Variants in CHST8 observed in about 807,000 individuals in gnomAD.
CHST8 encodes the protein GALNAC-4-ST1.
CHST8 carries 10 observed loss-of-function variants against 15.0 expected under a neutral mutation model. The ratio of observed to expected loss-of-function variants is 0.67; its 90% CI spans 0.41 to 1.13. CHST8 has a LOEUF of 1.13. Among genes scored for constraint, CHST8 ranks in the 50% most tolerant of loss-of-function variants. The probability of loss-of-function intolerance (pLI) is 0.00; values close to 1 mark genes in which losing one functional copy is unlikely to be tolerated. For synonymous variants in CHST8, 259 were observed against 256.6 expected (o/e 1.01, Z -0.09); for missense variants, 634 against 608.2 (o/e 1.04, Z -0.45).
At chr19:33,624,019 C>G (rs111334956) in intron 1 of CHST8, among the ~76,000 whole-genome samples, 5,746 of 152,290 alleles carry the variant, frequency 0.038, 226 homozygotes, top group Non-Finnish European at 0.05. Flanking sequence ...ACCTCAAAGC[C>G]GGAACCTGAC....
rs542354879 is a variant in CHST8 at position 33,648,483 on chromosome 19, A to C, written c.-163-19284A>C. ...ACATTTCATGTCAATTGAATCCTAC[A>C]ATGCGTGGTCTTTTTTTCCGCTTAG... On this transcript the variant is annotated intron_variant, in intron 1 of 4. Transcript: ENST00000650847. Among the ~76,000 whole-genome samples, 194 of 152,238 alleles carry C rather than the reference A, an allele frequency of 1.3e-3. 1 individual carries two copies. The highest frequency in any genetic ancestry group is 4.5e-3 in the African/African-American group (185 of 41,510).
chr19:33,750,362 G>T (rs1974389865), intron 3 of CHST8, among the ~76,000 whole-genome samples: 1 of 152,192 alleles, frequency 6.6e-6, no homozygotes, highest in African/African-American at 2.4e-5. Context: ...AGACCTCAGG[G>T]TTTCCTGCTC....
At chr19:33,744,489 G>A (rs1284906327) in intron 3 of CHST8, 1 of 152,188 alleles carries the variant, frequency 6.6e-6, no homozygotes, top group Non-Finnish European at 1.5e-5. Flanking sequence ...TCAGGGTCCT[G>A]TTCCTTCTCA....
chr19:33,731,487 C>T (rs911569620), intron 3 of CHST8, among the ~76,000 whole-genome samples: 9 of 152,196 alleles, frequency 5.9e-5, no homozygotes, highest in East Asian at 1.9e-4. Context: ...TGAGGACAAC[C>T]GGGGGTCACT....
intron 3 of CHST8, among the ~76,000 whole-genome samples, chr19:33,717,049 G>C (rs1034674659): frequency 2.0e-5 from 3 of 152,112 alleles, no homozygotes; most frequent in African/African-American, 4.8e-5. Context: ...CGGTGGGCTG[G>C]GGGAGGTCCT....
chr19:33,721,500 A>AGATG (rs1302491402), intron 3 of CHST8, among the ~76,000 whole-genome samples: 2 of 151,916 alleles, frequency 1.3e-5, no homozygotes, highest in African/African-American at 2.4e-5. Flanking sequence ...GTGAGTGGGA[A>AGATG]GATGGATGGA....
intron 3 of CHST8, among the ~76,000 whole-genome samples, chr19:33,757,574 A>C (rs1171921311): frequency 7.0e-6 from 1 of 143,788 alleles, no homozygotes; most frequent in Admixed American, 7.0e-5. Flanking sequence ...GAAAGAAAGA[A>C]AGAAAGAAAG....
chr19:33,739,633 C>T (rs1054791040), intron 3 of CHST8, among the ~76,000 whole-genome samples: 5 of 152,192 alleles, frequency 3.3e-5, no homozygotes, highest in African/African-American at 7.2e-5. Flanking sequence ...GTGACTGGAT[C>T]TGCTTGTGTG....
chr19:33,770,163 A>G (rs565728583), intron 3 of CHST8, among the ~76,000 whole-genome samples: 29 of 152,316 alleles, frequency 1.9e-4, no homozygotes, highest in Non-Finnish European at 3.5e-4. Context: ...GGCTCAGGGA[A>G]GACCTGGAGA....
chr19:33,694,129 T>TATAA (rs1464174137), intron 3 of CHST8, among the ~76,000 whole-genome samples: 2 of 95,014 alleles, frequency 2.1e-5, no homozygotes, highest in Non-Finnish European at 4.3e-5. Context: ...TATATATATA[T>TATAA]AAATGCAATG....
At chr19:33,648,082 G>T (rs1264322502) in intron 1 of CHST8, among the ~76,000 whole-genome samples, 3 of 152,030 alleles carry the variant, frequency 2.0e-5, no homozygotes, top group Admixed American at 6.5e-5. Context: ...GGAGCTGGTG[G>T]ATGTGGGGGA....
intron 3 of CHST8, among the ~76,000 whole-genome samples, chr19:33,759,383 G>A (rs768868877): frequency 1.1e-4 from 17 of 152,238 alleles, no homozygotes; most frequent in East Asian, 1.9e-4. Flanking sequence ...AAGAGGAGGC[G>A]TTGACATCCG....
intron 3 of CHST8, among the ~76,000 whole-genome samples, chr19:33,741,976 T>C (rs2145341660): frequency 6.6e-6 from 1 of 152,238 alleles, no homozygotes; most frequent in South Asian, 2.1e-4. Flanking sequence ...GGTCATTTAT[T>C]ACCTGGTACC....
chr19:33,757,218 C>T (rs1015231838), intron 3 of CHST8, among the ~76,000 whole-genome samples: 4 of 151,404 alleles, frequency 2.6e-5, no homozygotes, highest in Middle Eastern at 6.8e-3. Context: ...AGTAAAACCC[C>T]GTCTTTACTG....
chr19:33,716,240 G>A, intron 3 of CHST8, among the ~76,000 whole-genome samples: 1 of 152,092 alleles, frequency 6.6e-6, no homozygotes, highest in Non-Finnish European at 1.5e-5. Context: ...AATTATTTCT[G>A]TTTCCTCTGA....
At chr19:33,703,859 AATTTT>A (rs1431201623) in intron 3 of CHST8, among the ~76,000 whole-genome samples, 4 of 152,206 alleles carry the variant, frequency 2.6e-5, no homozygotes, top group Non-Finnish European at 4.4e-5. Flanking sequence ...CTCATTTTGA[AATTTT>A]ATTTTATGTG....
intron 3 of CHST8, among the ~76,000 whole-genome samples, chr19:33,732,289 G>T (rs148884397): frequency 6.6e-6 from 1 of 152,236 alleles, no homozygotes; most frequent in East Asian, 2.0e-4. Context: ...AAATAAGCCC[G>T]CGTTCTGTTT....
At chr19:33,685,467 G>T (rs1015036688) in intron 2 of CHST8, among the ~76,000 whole-genome samples, 1 of 151,806 alleles carries the variant, frequency 6.6e-6, no homozygotes, top group Non-Finnish European at 1.5e-5. Context: ...CTGGAAACTC[G>T]CTGGGGCTGT....
chr19:33,667,681 C>T (rs529849255), intron 1 of CHST8, 86 bp from the exon 2 acceptor site: 1 of 152,318 alleles, frequency 6.6e-6, no homozygotes, highest in South Asian at 2.1e-4. Context: ...CTCATAATTA[C>T]ATCCTCTTAA....
Sources: gnomAD v4.1 joint callset for allele counts (sites outside exome capture counted in the v4.1 genomes callset) on GRCh38, gnomAD v4.1.1 for gene constraint, MANE v1.5 for transcripts, NCBI Gene and HGNC (gene_info 2026-07-23, HGNC 2026-07-21) for gene names.